Variants in KNTC1 observed in about 807,000 individuals in gnomAD.
KNTC1 encodes the protein kinetochore associated 1.
A neutral mutation model predicts 314.4 loss-of-function variants in KNTC1; 253 were observed. The observed-to-expected ratio is 0.80, with a 90% CI of 0.73 to 0.89. The LOEUF is 0.89. Among genes scored for constraint, KNTC1 ranks in the 40% least tolerant of loss-of-function variants. The pLI, the probability that KNTC1 is intolerant of heterozygous loss-of-function variation, is 0.00. For synonymous variants in KNTC1, 901 were observed against 901.4 expected, an observed-to-expected ratio of 1.00 and a Z score of 0.01; for missense variants, 2,475 against 2,572.9, an observed-to-expected ratio of 0.96 and a Z score of 0.82.
intron 22 of KNTC1, among the ~76,000 whole-genome samples, chr12:122,570,645 C>A (rs1964624920): frequency 6.6e-6 from 1 of 151,952 alleles, no homozygotes; most frequent in South Asian, 2.1e-4. Context: ...GATGGATACC[C>A]CACTCTCCAT....
In KNTC1 at chr12:122,551,621, A is replaced by G. The variant is rs901574816; in HGVS notation, c.1197A>G (p.Arg399=). Residue 399 remains arginine, a splice_region_variant and synonymous_variant, in exon 16 of 64, where the codon AGA becomes AGG. Transcript: ENST00000333479. ...CAAAATTTCTCTTCCAACTTAACAG[A>G]TTGAGTCGGTTACTTCACAAACACA... is the stretch of plus-strand genomic sequence containing the variant. The part of the protein sequence containing the change: ...RCLTEALPEN[R]LSRLLHKHRF... 2.5e-6 allele frequency: 4 copies of G among 1,613,342 alleles called. No homozygotes were observed. Among genetic ancestry groups the G allele is most frequent in the Non-Finnish European group, 3.4e-6 (4 of 1,179,502 alleles).
chr12:122,620,390 G>T, intron 59 of KNTC1, 89 bp from the exon 60 acceptor site: 1 of 1,223,284 alleles, frequency 8.2e-7, no homozygotes, highest in African/African-American at 1.5e-5. Context: ...TGAAAACTTG[G>T]ACAGGCAGAT....
chr12:122,543,750 T>G lies in KNTC1; in HGVS notation c.558+116T>G, dbSNP rs927589490. ...TGATATTTTAGAAATTATTATGATATAACATTTTAATAACATTTCTATTTA... is the reference window on the plus strand; with the variant it reads ...TGATATTTTAGAAATTATTATGATAGAACATTTTAATAACATTTCTATTTA... On this transcript the variant is annotated intron_variant, in intron 7 of 63. Transcript: ENST00000333479. 3 of 639,360 alleles carry G rather than the reference T, an allele frequency of 4.7e-6. No individual in the cohort carries two copies. In the African/African-American group the frequency reaches 5.6e-5, roughly 12 times the overall value. 39.6% of individuals were successfully genotyped at this position (639,360 alleles called of 1,614,324 possible).
intron 3 of KNTC1, among the ~76,000 whole-genome samples, chr12:122,535,872 G>A (rs2137668937): frequency 6.6e-6 from 1 of 151,508 alleles, no homozygotes; most frequent in African/African-American, 2.4e-5. Flanking sequence ...CTGAGCTTAG[G>A]CAAGAATATT....
At position 122,561,696 on chromosome 12, in the gene KNTC1, C is replaced by T. The variant is rs186220536; in HGVS notation, c.1489-225C>T. 7.0e-3 allele frequency among the ~76,000 whole-genome samples: 1,061 copies of T among 151,972 alleles called. 7 individuals carry two copies. The highest frequency in any genetic ancestry group is 0.014 in the Middle Eastern group (4 of 294). On this transcript the variant is annotated intron_variant, in intron 18 of 63. Coordinates refer to ENST00000333479, the MANE Select transcript of KNTC1 (RefSeq NM_014708.6). ...CCTGAACTCCTGAGCTCAAGCAGTCCGCCCGCCTCAGCCTTCCAAAGTGCT... is the reference window on the plus strand; with the variant it reads ...CCTGAACTCCTGAGCTCAAGCAGTCTGCCCGCCTCAGCCTTCCAAAGTGCT...
chr12:122,529,362 G>A (rs1242211215), intron 1 of KNTC1, among the ~76,000 whole-genome samples: 1 of 152,054 alleles, frequency 6.6e-6, no homozygotes, highest in Non-Finnish European at 1.5e-5. Context: ...CTTGATCCAA[G>A]GATTGTTTTT....
In KNTC1 at chr12:122,538,387, T is replaced by A. The variant is rs1268944121; in HGVS notation, c.299T>A (p.Leu100Ter). ...CTTTGTCAAGAAGGAAAGTTTCTTT[T>A]GGTTGGCGAGAGAAGTGGCAACCTA... Reference protein sequence around the residue: ...VGLCQEGKFLLVGERSGNLHL... With the variant: ...VGLCQEGKFL The change falls in exon 4 of 64, where the codon TTG becomes TAG. Residue 100 changes from leucine (L) to a stop codon, truncating the protein, a stop_gained. Transcript: ENST00000333479. LOFTEE classifies it high-confidence loss of function. The A allele has an allele frequency of 1.2e-6, 2 of 1,606,196 alleles. No homozygotes were observed. The highest frequency in any genetic ancestry group is 3.4e-5 in the Admixed American group (2 of 59,110).
At chr12:122,606,304 T>C (rs1192286676) in intron 51 of KNTC1, among the ~76,000 whole-genome samples, 1 of 140,658 alleles carries the variant, frequency 7.1e-6, no homozygotes, top group African/African-American at 2.6e-5. Context: ...CTCAGCAACC[T>C]CTGCCGAGGT....
At chr12:122,532,069 T>C in intron 2 of KNTC1, among the ~76,000 whole-genome samples, 1 of 150,656 alleles carries the variant, frequency 6.6e-6, no homozygotes, top group Non-Finnish European at 1.5e-5. Context: ...ACTCTCACTC[T>C]GTAGCCCAGG....
At chr12:122,611,918 T>C (rs976850075) in intron 53 of KNTC1, among the ~76,000 whole-genome samples, 11 of 105,776 alleles carry the variant, frequency 1.0e-4, no homozygotes, top group Admixed American at 6.5e-4. Flanking sequence ...ACTTTGTGGA[T>C]TTTTTTTTTT....
intron 42 of KNTC1, chr12:122,593,258 CTTTTTTTCTTT>C (rs1870554339): frequency 6.5e-6 from 1 of 153,788 alleles, no homozygotes; most frequent in Non-Finnish European, 1.4e-5. Flanking sequence ...ATTTTTCTTT[CTTTTTTTCTTT>C]TTTTTTTTTT....
intron 44 of KNTC1, among the ~76,000 whole-genome samples, chr12:122,599,274 T>C (rs754794009): frequency 1.3e-5 from 2 of 152,096 alleles, no homozygotes; most frequent in Non-Finnish European, 2.9e-5. Flanking sequence ...TCAGTATTTG[T>C]TTAGGAGATC....
intron 53 of KNTC1, chr12:122,611,172 G>T: frequency 2.4e-6 from 1 of 408,290 alleles, no homozygotes; most frequent in African/African-American, 2.1e-5. Flanking sequence ...TAACTCCCTG[G>T]TCAGTCCACA....
intron 22 of KNTC1, among the ~76,000 whole-genome samples, chr12:122,570,385 G>A (rs552602497): frequency 6.6e-6 from 1 of 151,904 alleles, no homozygotes; most frequent in Admixed American, 6.6e-5. Context: ...CGGGCATGGT[G>A]GCATGCCTGT....
intron 53 of KNTC1, 37 bp downstream of exon 53, chr12:122,610,937 A>C (rs371178019): frequency 2.8e-6 from 4 of 1,437,808 alleles, no homozygotes; most frequent in South Asian, 1.2e-5. Flanking sequence ...TCTTCTGTGC[A>C]TCTCAGCTTA....
chr12:122,580,002 T>A, intron 32 of KNTC1, 25 bp downstream of exon 32: 2 of 1,514,026 alleles, frequency 1.3e-6, no homozygotes, highest in Non-Finnish European at 9.2e-7. Flanking sequence ...TGTTTTCTCA[T>A]CTCAGTTTTG....
chr12:122,542,008 C>A, intron 5 of KNTC1, 42 bp from the exon 6 acceptor site: 1 of 1,478,296 alleles, frequency 6.8e-7, no homozygotes, highest in South Asian at 1.3e-5. Context: ...AATGAGACTC[C>A]ATCTCAAAAA....
intron 18 of KNTC1, among the ~76,000 whole-genome samples, chr12:122,560,106 C>G (rs1304777731): frequency 2.0e-5 from 3 of 152,080 alleles, no homozygotes; most frequent in Non-Finnish European, 4.4e-5. Flanking sequence ...TCATTTAAGA[C>G]AGTACTTGTC....
intron 20 of KNTC1, among the ~76,000 whole-genome samples, chr12:122,567,938 G>C (rs1964451845): frequency 6.6e-6 from 1 of 152,142 alleles, no homozygotes; most frequent in African/African-American, 2.4e-5. Flanking sequence ...TCCAGCCTGA[G>C]CACATAGTGA....
Sources: gnomAD v4.1 joint callset for allele counts (sites outside exome capture counted in the v4.1 genomes callset) on GRCh38, gnomAD v4.1.1 for gene constraint, MANE v1.5 for transcripts, NCBI Gene and HGNC (gene_info 2026-07-23, HGNC 2026-07-21) for gene names.